ATP2A1: variants seen among roughly 807,000 people sequenced by gnomAD.
ATP2A1 encodes the protein ATPase sarcoplasmic/endoplasmic reticulum Ca2+ transporting 1.
A neutral mutation model predicts 109.5 loss-of-function variants in ATP2A1; 83 were observed. The ratio of observed to expected loss-of-function variants is 0.76; its 90% CI spans 0.63 to 0.91. ATP2A1 has a LOEUF of 0.91. ATP2A1 is among the 40% of genes least tolerant of loss of function. The pLI, the probability that ATP2A1 is intolerant of heterozygous loss-of-function variation, is 0.00. For missense variants in ATP2A1, 1,101 were observed against 1,341.0 expected (o/e 0.82, Z 2.80); for synonymous variants, 505 against 537.6 (o/e 0.94, Z 0.84).
rs1006469762 is a variant in ATP2A1 at position 28,878,539 on chromosome 16, A to T, written c.-133A>T. 3.6e-5 allele frequency: 30 copies of T among 825,354 alleles called. No homozygotes were observed. Among genetic ancestry groups the T allele is most frequent in the Non-Finnish European group, 5.4e-5 (27 of 498,256 alleles). The allele number at this position is 825,354 out of a possible 1,614,324, so 51.1% of individuals were successfully genotyped here. On this transcript the variant is annotated 5_prime_UTR_variant, in exon 1 of 23. Coordinates refer to ENST00000395503, the MANE Select transcript of ATP2A1 (RefSeq NM_004320.6). Reference sequence around the variant, plus strand: ...TCAGAGCTTTGTGGAGGGAAGAAAAACCTGGAGGGGGCAGGAGAGTAAAAA... The same window carrying T: ...TCAGAGCTTTGTGGAGGGAAGAAAATCCTGGAGGGGGCAGGAGAGTAAAAA...
At position 28,879,544 on chromosome 16, in the gene ATP2A1, C is replaced by A; in HGVS notation, c.180C>A (p.Leu60=). 1.2e-6 allele frequency: 2 copies of A among 1,614,158 alleles called. No homozygotes were observed. The highest frequency in any genetic ancestry group is 1.1e-5 in the South Asian group (1 of 91,092). ...TGGTGATAGAGCAGTTTGAAGACCT[C>A]CTGGTGCGGATTCTCCTCCTGGCCG... The part of the protein sequence containing the change: ...WELVIEQFED[L]LVRILLLAAC... The change falls in exon 3 of 23, where the codon CTC becomes CTA. Residue 60 remains leucine, a synonymous_variant. Transcript: ENST00000395503.
At chr16:28,884,820 T>C (rs772828321) in intron 6 of ATP2A1, among the ~76,000 whole-genome samples, 165 bp downstream of exon 6, 2 of 152,158 alleles carry the variant, frequency 1.3e-5, no homozygotes, top group Non-Finnish European at 2.9e-5. Flanking sequence ...TGTTGTTGAG[T>C]GCCTGTAGTC....
chr16:28,883,485 C>T lies in ATP2A1; in HGVS notation c.463+896C>T, dbSNP rs990575001. Among the ~76,000 whole-genome samples, 6 of 152,190 alleles carry T rather than the reference C, an allele frequency of 3.9e-5. No individual in the cohort carries two copies. Among genetic ancestry groups the T allele is most frequent in the African/African-American group, 1.2e-4 (5 of 41,446 alleles). On this transcript the variant is annotated intron_variant, in intron 5 of 22. Coordinates refer to ENST00000395503, the MANE Select transcript of ATP2A1 (RefSeq NM_004320.6). The surrounding 1 kb of genome is among the most constrained non-coding windows in gnomAD (Gnocchi z 5.2). Reference sequence around the variant, plus strand: ...TATCCCGACCTCCCTCCTCCCTCCTCGGTCCATTTCCTCTGGCACAGGAGG... The same window carrying T: ...TATCCCGACCTCCCTCCTCCCTCCTTGGTCCATTTCCTCTGGCACAGGAGG...
chr16:28,888,981 A>G, intron 9 of ATP2A1, 28 bp downstream of exon 9: 1 of 1,613,610 alleles, frequency 6.2e-7, no homozygotes. Context: ...CAGCGCGCTC[A>G]GTCAGAAGGC....
chr16:28,892,338 A>G lies in ATP2A1; in HGVS notation c.1096-1817A>G, dbSNP rs143557111. 1.6e-3 allele frequency: 637 copies of G among 400,322 alleles called. 7 individuals carry two copies. Among genetic ancestry groups the G allele is most frequent in the South Asian group, 7.4e-3 (396 of 53,740 alleles). The allele number at this position is 400,322 out of a possible 1,614,324, so 24.8% of individuals were successfully genotyped here. On this transcript the variant is annotated intron_variant, in intron 9 of 22. Transcript: ENST00000395503. ...AGGGTCTTCCACTGACCTCAGGCCA[A>G]GAACCCCTGCCCTTCACAGAGTTTT...
intron 11 of ATP2A1, 37 bp from the exon 12 acceptor site, chr16:28,894,785 G>A (rs989319125): frequency 1.2e-6 from 2 of 1,609,626 alleles, no homozygotes; most frequent in Admixed American, 1.7e-5. Context: ...TAGGAGCCTG[G>A]GGCACCGACT....
rs1236030421 is a variant in ATP2A1 at position 28,883,921 on chromosome 16, C to T, written c.464-654C>T. ...CCCGATATGTGGTCCTCTCCATGAC[C>T]ACCCTGTGCCCCCCGCTGCCTTGAG... On this transcript the variant is annotated intron_variant, in intron 5 of 22. Coordinates refer to ENST00000395503, the MANE Select transcript of ATP2A1 (RefSeq NM_004320.6). This position sits in a 1 kb window ranked among gnomAD's most constrained non-coding sequence, Gnocchi z 5.2. 1.3e-5 allele frequency among the ~76,000 whole-genome samples: 2 copies of T among 152,118 alleles called. No homozygotes were observed. Among genetic ancestry groups the T allele is most frequent in the Non-Finnish European group, 2.9e-5 (2 of 68,024 alleles).
chr16:28,887,792 CTTTT>C, intron 8 of ATP2A1, 70 bp downstream of exon 8: 1 of 1,568,180 alleles, frequency 6.4e-7, no homozygotes, highest in Non-Finnish European at 8.7e-7. Flanking sequence ...CTTTTCTTTT[CTTTT>C]CTTTTTTTCT....
At chr16:28,895,800 G>C (rs1963904882) in intron 12 of ATP2A1, among the ~76,000 whole-genome samples, 1 of 152,100 alleles carries the variant, frequency 6.6e-6, no homozygotes. Context: ...GGAGGTCAAG[G>C]CTGCAGCAAG....
chr16:28,887,804 T>G lies in ATP2A1; in HGVS notation c.928+82T>G. 3 of 1,550,820 alleles carry G rather than the reference T, an allele frequency of 1.9e-6. No homozygotes were observed. The South Asian group carries it at 3.4e-5, about 18-fold the overall frequency. ...TTTCTTTTCTTTTCTTTTCTTTTTT[T>G]CTTTTTTGTTTTTTGAGATGGAGTC... On this transcript the variant is annotated intron_variant, in intron 8 of 22. Transcript: ENST00000395503.
In ATP2A1 at chr16:28,902,211, G is replaced by A; in HGVS notation, c.2349G>A (p.Leu783=). 1.2e-6 allele frequency: 2 copies of A among 1,614,150 alleles called. No individual in the cohort carries two copies. The highest frequency in any genetic ancestry group is 1.7e-6 in the Non-Finnish European group (2 of 1,180,018). ...VCIFLTAALG[L]PEALIPVQLL... ...TCTTCCTGACCGCTGCCCTGGGGCT[G>A]CCTGAGGCCCTGATCCCGGTGCAGC... is the stretch of plus-strand genomic sequence containing the variant. The change falls in exon 17 of 23, where the codon CTG becomes CTA. Residue 783 remains leucine (L), a synonymous_variant. Transcript: ENST00000395503. This position sits in a 1 kb window ranked among gnomAD's most constrained non-coding sequence, Gnocchi z 4.8.
Position 28,894,935 on chromosome 16 carries a change from A to AG in ATP2A1, c.1402dup (p.Ala468GlyfsTer52). On this transcript the variant is annotated frameshift_variant, in exon 12 of 23. Transcript: ENST00000395503. LOFTEE classifies it high-confidence loss of function. ...TGAGAAGCCTCTCGAAGGTGGAGAGAGCCAACGCCTGCAACTCGGTGAGCC... is the reference window on the plus strand; with the variant it reads ...TGAGAAGCCTCTCGAAGGTGGAGAGAGGCCAACGCCTGCAACTCGGTGAGCC... The AG allele has an allele frequency of 6.2e-7, 1 of 1,612,118 alleles. No individual in the cohort carries two copies. Among genetic ancestry groups the AG allele is most frequent in the Non-Finnish European group, 8.5e-7 (1 of 1,179,982 alleles).
intron 3 of ATP2A1, chr16:28,879,987 G>T: frequency 2.0e-6 from 2 of 1,000,892 alleles, no homozygotes; most frequent in Non-Finnish European, 2.4e-6. Flanking sequence ...CGGCGCCCCT[G>T]CCCCGCCCTC....
rs1463885506 is a variant in ATP2A1 at position 28,898,625 on chromosome 16, C to T, written c.1764+174C>T. Among the ~76,000 whole-genome samples, 4 of 152,080 alleles carry T rather than the reference C, an allele frequency of 2.6e-5. No homozygotes were observed. Among genetic ancestry groups the T allele is most frequent in the African/African-American group, 4.8e-5 (2 of 41,482 alleles). ...AGAGTTTCAGAGAACCTTGGGAGGC[C>T]GGGTGCAGTGACTCACACCTGTAAT... On this transcript the variant is annotated intron_variant, in intron 14 of 22. Transcript: ENST00000395503. This position sits in a 1 kb window ranked among gnomAD's most constrained non-coding sequence, Gnocchi z 4.0.
chr16:28,898,999 A>C lies in ATP2A1; in HGVS notation c.1764+548A>C, dbSNP rs1000013334. On this transcript the variant is annotated intron_variant, in intron 14 of 22. Coordinates refer to ENST00000395503, the MANE Select transcript of ATP2A1 (RefSeq NM_004320.6). This position sits in a 1 kb window ranked among gnomAD's most constrained non-coding sequence, Gnocchi z 4.0. The stretch of plus-strand genomic sequence containing the variant: ...CCTGTCTCTAAAAACAAAAAACAAA[A>C]ACACACACACACACACACAAAAGAG... Among the ~76,000 whole-genome samples, 54 of 150,510 alleles carry C rather than the reference A, an allele frequency of 3.6e-4. No individual in the cohort carries two copies. The highest frequency in any genetic ancestry group is 1.9e-4 in the East Asian group (1 of 5,132).
rs10718640 is a variant in ATP2A1, at chr16:28,904,018, TG to T, written c.*38-153del. ...GGCTGTCTTTGCTGTGGGGCTGCAG[TG>T]GGGGGGGGCGGGGTGTCTGGGGACG... On this transcript the variant is annotated intron_variant, in intron 22 of 22. Coordinates refer to ENST00000395503, the MANE Select transcript of ATP2A1 (RefSeq NM_004320.6). Among the ~76,000 whole-genome samples, 8,022 of 108,478 alleles carry T rather than the reference TG, an allele frequency of 0.074. 687 individuals are homozygous for T. The highest frequency in any genetic ancestry group is 0.24 in the African/African-American group (7,359 of 30,672). The allele number at this position is 108,478 out of a possible 152,430, so 71.2% of individuals were successfully genotyped here. A position where few individuals can be genotyped will look rare whatever the true frequency, so the allele number is the denominator to read the frequency against.
chr16:28,902,190 CCTGACCG>C lies in ATP2A1; in HGVS notation c.2332_2338del (p.Thr778ProfsTer8). 8.7e-6 allele frequency: 14 copies of C among 1,614,178 alleles called. No homozygotes were observed. The highest frequency in any genetic ancestry group is 1.1e-5 in the Non-Finnish European group (13 of 1,180,012). Reference sequence around the variant, plus strand: ...GACCACCTCCTTCCCACAGTATCTTCCTGACCGCTGCCCTGGGGCTGCCTGAGGCCCT... The same window carrying C: ...GACCACCTCCTTCCCACAGTATCTTCCTGCCCTGGGGCTGCCTGAGGCCCT... On this transcript the variant is annotated frameshift_variant, in exon 17 of 23. Transcript: ENST00000395503. LOFTEE classifies it high-confidence loss of function. The surrounding 1 kb of genome is among the most constrained non-coding windows in gnomAD (Gnocchi z 4.8).
At chr16:28,887,386 C>A in intron 7 of ATP2A1, 39 bp from the exon 8 acceptor site, 1 of 1,613,726 alleles carries the variant, frequency 6.2e-7, no homozygotes, top group South Asian at 1.1e-5. Flanking sequence ...ATGAGGGTCA[C>A]CTCTTGCCTG....
In ATP2A1 at chr16:28,902,857, T is replaced by A; in HGVS notation, c.2690T>A (p.Met897Lys). 6.2e-7 allele frequency: 1 copy of A among 1,614,032 alleles called. No homozygotes were observed. Among genetic ancestry groups the A allele is most frequent in the Non-Finnish European group, 8.5e-7 (1 of 1,179,980 alleles). The part of the protein sequence containing the change: ...DCEVFEAPEP[M>K]TMALSVLVTI... ...GAGGTCTTCGAGGCCCCCGAGCCCA[T>A]GACCATGGCCCTGTCCGTGCTGGTG... The change falls in exon 19 of 23, where the codon ATG becomes AAG. Residue 897 changes from methionine to lysine, a missense_variant. Coordinates refer to ENST00000395503, the MANE Select transcript of ATP2A1 (RefSeq NM_004320.6). The surrounding 1 kb of genome is among the most constrained non-coding windows in gnomAD (Gnocchi z 4.8).
Sources: allele counts gnomAD v4.1 joint callset (sites outside exome capture counted in the v4.1 genomes callset), GRCh38; gene constraint gnomAD v4.1.1; non-coding constraint Gnocchi (gnomAD v3.1); transcripts MANE v1.5; gene names NCBI Gene and HGNC (gene_info 2026-07-23, HGNC 2026-07-21).